The following SMYD3 variants were observed in gnomAD, a reference collection of about 807,000 sequenced individuals.
SMYD3 encodes histone-lysine N-methyltransferase SMYD3.
SMYD3 carries 36 observed loss-of-function variants against 57.7 expected under a neutral mutation model. The observed-to-expected ratio is 0.62, with a 90% CI of 0.48 to 0.82. The LOEUF (loss-of-function observed/expected upper bound fraction) is 0.82. Ranked by LOEUF, SMYD3 falls within the 40% of genes least tolerant of loss-of-function variation. SMYD3 has a pLI of 0.00. For synonymous variants in SMYD3, 211 were observed against 195.0 expected, an observed-to-expected ratio of 1.08 and a Z score of -0.68; for missense variants, 515 against 538.8, an observed-to-expected ratio of 0.96 and a Z score of 0.44.
In SMYD3 at chr1:245,887,082, G is replaced by T. The variant is rs148522567; in HGVS notation, c.814-23196C>A. 6.1e-3 allele frequency among the ~76,000 whole-genome samples: 931 copies of T among 152,270 alleles called. 11 individuals carry two copies. Among genetic ancestry groups the T allele is most frequent in the African/African-American group, 0.021 (875 of 41,564 alleles). On this transcript the variant is annotated intron_variant, in intron 8 of 11. Transcript: ENST00000490107. Reference sequence around the variant, plus strand: ...GTAAAATGAGGCTAAGACCTACTGGGTGGCATTCCCAGATGGTTAAGGCAT... The same window carrying T: ...GTAAAATGAGGCTAAGACCTACTGGTTGGCATTCCCAGATGGTTAAGGCAT...
At chr1:246,485,195 A>G (rs946145425) in intron 1 of SMYD3, among the ~76,000 whole-genome samples, 20 of 151,382 alleles carry the variant, frequency 1.3e-4, no homozygotes, top group Admixed American at 2.6e-4. Flanking sequence ...AAAAGACATC[A>G]CCTCAACCAA....
chr1:246,372,221 G>A (rs900071545), intron 1 of SMYD3, among the ~76,000 whole-genome samples: 14 of 152,182 alleles, frequency 9.2e-5, no homozygotes, highest in East Asian at 3.9e-4. Flanking sequence ...GACAGTTAAC[G>A]GGGGTTGGTG....
At chr1:245,833,308 C>A (rs2049951348) in intron 10 of SMYD3, among the ~76,000 whole-genome samples, 1 of 152,180 alleles carries the variant, frequency 6.6e-6, no homozygotes, top group Non-Finnish European at 1.5e-5. Flanking sequence ...ACCCGTGCAT[C>A]TACCCACGTC....
chr1:245,956,178 A>G (rs1208789833), intron 5 of SMYD3: 2 of 516,288 alleles, frequency 3.9e-6, no homozygotes, highest in African/African-American at 4.2e-5. Context: ...TGGGCCTCCC[A>G]AAGTGTTGGG....
chr1:245,979,727 G>A lies in SMYD3; in HGVS notation c.532-49790C>T, dbSNP rs115725495. Among the ~76,000 whole-genome samples the A allele has an allele frequency of 3.0e-3, 462 of 152,254 alleles. 1 individual carries two copies. The highest frequency in any genetic ancestry group is 1.0e-2 in the African/African-American group (414 of 41,534). On this transcript the variant is annotated intron_variant, in intron 5 of 11. Coordinates refer to ENST00000490107, the MANE Select transcript of SMYD3 (RefSeq NM_001167740.2). ...CTGTTTGTGGTATGTCACCATGGCCGTTTTAAGAATCGAATACAGCATCCC... is the reference window on the plus strand; with the variant it reads ...CTGTTTGTGGTATGTCACCATGGCCATTTTAAGAATCGAATACAGCATCCC...
At chr1:246,311,348 A>G (rs536732028) in intron 5 of SMYD3, among the ~76,000 whole-genome samples, 2 of 152,376 alleles carry the variant, frequency 1.3e-5, no homozygotes, top group African/African-American at 4.8e-5. Context: ...CAGCACAAAA[A>G]AAATCTTTGT....
chr1:245,762,976 T>C (rs904340111), intron 11 of SMYD3, among the ~76,000 whole-genome samples: 2 of 152,136 alleles, frequency 1.3e-5, no homozygotes, highest in African/African-American at 4.8e-5. Context: ...CAGGTGAGCA[T>C]GTGAGCTCTC....
rs575036962 is a variant in SMYD3 at position 246,281,834 on chromosome 1, T to G, written c.531+45367A>C. On this transcript the variant is annotated intron_variant, in intron 5 of 11. Transcript: ENST00000490107. ...AAAAGGAGAAGTTCCAAGACATAAGTAAACAGAATGCTATGTCAATACAGC... is the reference window on the plus strand; with the variant it reads ...AAAAGGAGAAGTTCCAAGACATAAGGAAACAGAATGCTATGTCAATACAGC... Among the ~76,000 whole-genome samples the G allele has an allele frequency of 5.9e-5, 9 of 152,130 alleles. No individual in the cohort carries two copies. The East Asian group carries it at 1.4e-3, about 23-fold the overall frequency.
intron 5 of SMYD3, among the ~76,000 whole-genome samples, chr1:246,148,916 G>T (rs1422164489): frequency 6.6e-6 from 1 of 152,232 alleles, no homozygotes; most frequent in African/African-American, 2.4e-5. Context: ...GCACTTGAAG[G>T]CTCAGCCTGG....
At chr1:246,300,188 G>A (rs1478075515) in intron 5 of SMYD3, among the ~76,000 whole-genome samples, 1 of 152,044 alleles carries the variant, frequency 6.6e-6, no homozygotes, top group East Asian at 1.9e-4. Context: ...GGTTTCTAGG[G>A]TACTTGGATT....
intron 1 of SMYD3, among the ~76,000 whole-genome samples, chr1:246,422,313 T>C (rs1222808789): frequency 6.6e-6 from 1 of 152,220 alleles, no homozygotes; most frequent in African/African-American, 2.4e-5. Context: ...TATAGTTGGA[T>C]AGGACTTTAA....
At chr1:246,394,742 G>A (rs2066630470) in intron 1 of SMYD3, among the ~76,000 whole-genome samples, 1 of 151,712 alleles carries the variant, frequency 6.6e-6, no homozygotes, top group African/African-American at 2.4e-5. Flanking sequence ...TTATGTGAGA[G>A]GCTCCCAAAC....
intron 5 of SMYD3, among the ~76,000 whole-genome samples, chr1:246,142,408 C>G (rs1318647134): frequency 1.3e-5 from 2 of 151,986 alleles, no homozygotes; most frequent in African/African-American, 4.8e-5. Context: ...GAAGGAAGCA[C>G]TTTACAGCTT....
At chr1:246,228,678 G>A (rs889480146) in intron 5 of SMYD3, among the ~76,000 whole-genome samples, 2 of 152,120 alleles carry the variant, frequency 1.3e-5, no homozygotes, top group Non-Finnish European at 1.5e-5. Flanking sequence ...TGGTTAAGAA[G>A]TTCAAAATCT....
At chr1:245,767,337 C>T (rs1416848631) in intron 10 of SMYD3, among the ~76,000 whole-genome samples, 2 of 152,110 alleles carry the variant, frequency 1.3e-5, no homozygotes, top group African/African-American at 2.4e-5. Flanking sequence ...TACTGGATTC[C>T]GGGTCCGGCC....
At chr1:246,062,117 C>T (rs917151087) in intron 5 of SMYD3, among the ~76,000 whole-genome samples, 1 of 152,160 alleles carries the variant, frequency 6.6e-6, no homozygotes, top group African/African-American at 2.4e-5. Context: ...AAATGAAGAG[C>T]TGCTCATTAG....
At chr1:246,033,205 C>G (rs1174243038) in intron 5 of SMYD3, among the ~76,000 whole-genome samples, 1 of 151,698 alleles carries the variant, frequency 6.6e-6, no homozygotes, top group Non-Finnish European at 1.5e-5. Context: ...CCATGGAATA[C>G]TAATTGGTAA....
At chr1:246,273,828 C>T (rs1005241474) in intron 5 of SMYD3, among the ~76,000 whole-genome samples, 2 of 151,952 alleles carry the variant, frequency 1.3e-5, no homozygotes, top group South Asian at 4.1e-4. Flanking sequence ...CGTGGTCCAC[C>T]GGCCTCCTTA....
Position 246,245,277 on chromosome 1 carries a change from T to C in SMYD3, c.531+81924A>G, listed in dbSNP as rs149017306. ...GGACAACATGGCAAGACCCTGTCTCTAGTAAAAACACAAACATTAGCTAAG... is the reference window on the plus strand; with the variant it reads ...GGACAACATGGCAAGACCCTGTCTCCAGTAAAAACACAAACATTAGCTAAG... On this transcript the variant is annotated intron_variant, in intron 5 of 11. Coordinates refer to ENST00000490107, the MANE Select transcript of SMYD3 (RefSeq NM_001167740.2). Among the ~76,000 whole-genome samples the C allele has an allele frequency of 6.5e-4, 99 of 152,182 alleles. 1 individual carries two copies. The East Asian group carries it at 0.018, about 28-fold the overall frequency.
Sources: allele counts gnomAD v4.1 joint callset (sites outside exome capture counted in the v4.1 genomes callset), GRCh38; gene constraint gnomAD v4.1.1; transcripts MANE v1.5; gene names NCBI Gene and HGNC (gene_info 2026-07-23, HGNC 2026-07-21).